The following NDE1 variants were observed in gnomAD, a reference collection of about 807,000 sequenced individuals.
NDE1 encodes nuclear distribution protein nudE homolog 1.
In NDE1, 28 loss-of-function variants were observed where a neutral mutation model predicts 43.4. The observed-to-expected ratio is 0.65, with a 90% confidence interval of 0.48 to 0.89. The LOEUF (loss-of-function observed/expected upper bound fraction) is 0.89, where lower values mean the gene tolerates loss of function less well. NDE1 is among the 40% of genes least tolerant of loss of function. The pLI is 0.00. For missense variants in NDE1, 441 were observed against 434.1 expected, an observed-to-expected ratio of 1.02 and a Z score of -0.14; for synonymous variants, 184 against 172.0, an observed-to-expected ratio of 1.07 and a Z score of -0.55.
chr16:15,664,922 GT>G, intron 2 of NDE1, 61 bp downstream of exon 2: 1 of 1,320,048 alleles, frequency 7.6e-7, no homozygotes, highest in Non-Finnish European at 1.1e-6. Context: ...GTCCTGCTAT[GT>G]TACCTAGGCT....
intron 8 of NDE1, among the ~76,000 whole-genome samples, chr16:15,712,543 C>T (rs996818866): frequency 4.6e-5 from 7 of 151,984 alleles, no homozygotes; most frequent in Non-Finnish European, 7.4e-5. Context: ...TTGCAGTGAG[C>T]TGAGATAGTG....
At position 15,724,358 on chromosome 16, in the gene NDE1, G is replaced by T. The variant is rs1469373877; in HGVS notation, c.*107G>T. On this transcript the variant is annotated 3_prime_UTR_variant, in exon 9 of 9. Coordinates refer to ENST00000396354, the MANE Select transcript of NDE1 (RefSeq NM_017668.3). ...TGGAACCTCTTCTTCCCCTCTTCCA[G>T]AGCTTCCACGGTGCTGGCAAAGTCC... The T allele has an allele frequency of 6.2e-7, 1 of 1,614,096 alleles. No homozygotes were observed. The highest frequency in any genetic ancestry group is 1.7e-5 in the Admixed American group (1 of 60,010).
At chr16:15,657,174 T>G (rs1361968482) in intron 1 of NDE1, among the ~76,000 whole-genome samples, 1 of 152,056 alleles carries the variant, frequency 6.6e-6, no homozygotes, top group African/African-American at 2.4e-5. Flanking sequence ...CTTGGCTCAC[T>G]GCAACCTCCG....
At chr16:15,663,691 G>A (rs1232389584) in intron 1 of NDE1, among the ~76,000 whole-genome samples, 1 of 152,146 alleles carries the variant, frequency 6.6e-6, no homozygotes, top group Non-Finnish European at 1.5e-5. Flanking sequence ...ACACCAATGT[G>A]TATACTCAAA....
intron 1 of NDE1, among the ~76,000 whole-genome samples, chr16:15,660,657 G>A (rs552621377): frequency 1.3e-5 from 2 of 151,988 alleles, no homozygotes; most frequent in Non-Finnish European, 2.9e-5. Flanking sequence ...TCAGTTCTTC[G>A]TCTTTCCTCC....
At chr16:15,716,463 G>A (rs953276800) in intron 8 of NDE1, among the ~76,000 whole-genome samples, 1 of 152,146 alleles carries the variant, frequency 6.6e-6, no homozygotes. Flanking sequence ...AATTAAGAAG[G>A]CTTCCAGTGT....
Position 15,690,352 on chromosome 16 carries a change from TC to T in NDE1, c.524-791del, listed in dbSNP as rs1216727527. ...TGCAACTGGCCTTTTTTTTTTTTTT[TC>T]TTTTTTTTTTTTTTTTTTTTTTTTT... On this transcript the variant is annotated intron_variant, in intron 5 of 8. Coordinates refer to ENST00000396354, the MANE Select transcript of NDE1 (RefSeq NM_017668.3). Among the ~76,000 whole-genome samples the T allele has an allele frequency of 1.9e-3, 208 of 106,784 alleles. 2 individuals carry two copies. Among genetic ancestry groups the T allele is most frequent in the Non-Finnish European group, 2.7e-3 (156 of 57,606 alleles). The allele number at this position is 106,784 out of a possible 152,430, so 70.1% of individuals were successfully genotyped here.
intron 1 of NDE1, among the ~76,000 whole-genome samples, chr16:15,659,567 G>A (rs2036943978): frequency 6.7e-6 from 1 of 149,068 alleles, no homozygotes; most frequent in African/African-American, 2.5e-5. Flanking sequence ...CTCCCGAGTA[G>A]TGGGGATTAC....
intron 4 of NDE1, among the ~76,000 whole-genome samples, chr16:15,679,118 G>A (rs1373385229): frequency 6.6e-6 from 1 of 152,006 alleles, no homozygotes; most frequent in Non-Finnish European, 1.5e-5. Context: ...AACAAAAAAA[G>A]CACAGATGTT....
intron 8 of NDE1, among the ~76,000 whole-genome samples, chr16:15,704,287 T>G (rs2039335946): frequency 6.6e-6 from 1 of 152,184 alleles, no homozygotes; most frequent in Non-Finnish European, 1.5e-5. Context: ...ATATTCAAGT[T>G]GAAGTCAACA....
chr16:15,716,762 C>T (rs2040172571), intron 8 of NDE1, among the ~76,000 whole-genome samples: 1 of 152,224 alleles, frequency 6.6e-6, no homozygotes, highest in Non-Finnish European at 1.5e-5. Context: ...GATCCACCTG[C>T]CTCAGCCTCC....
intron 8 of NDE1, chr16:15,720,744 A>G: frequency 7.6e-7 from 1 of 1,317,442 alleles, no homozygotes; most frequent in South Asian, 1.4e-5. Flanking sequence ...AAAAAAAATA[A>G]AGAAAACGAA....
At chr16:15,657,635 A>G (rs537996641) in intron 1 of NDE1, among the ~76,000 whole-genome samples, 2 of 151,928 alleles carry the variant, frequency 1.3e-5, no homozygotes, top group South Asian at 2.1e-4. Context: ...TCTGTCGCCC[A>G]GGCTGGGAGG....
intron 4 of NDE1, among the ~76,000 whole-genome samples, chr16:15,679,819 C>T (rs2038083030): frequency 6.6e-6 from 1 of 152,194 alleles, no homozygotes; most frequent in Non-Finnish European, 1.5e-5. Flanking sequence ...TGCTCTGTCG[C>T]CCAGGCTGGA....
At chr16:15,716,996 C>CA in intron 8 of NDE1, 1 of 951,086 alleles carries the variant, frequency 1.1e-6, no homozygotes. Flanking sequence ...GTTCAGTTCT[C>CA]ACAACATACC....
intron 1 of NDE1, among the ~76,000 whole-genome samples, chr16:15,660,764 G>A (rs1482863678): frequency 6.6e-6 from 1 of 152,022 alleles, no homozygotes; most frequent in Admixed American, 6.6e-5. Context: ...CTGCTTCTCT[G>A]TTGCATCCTT....
chr16:15,686,594 C>T (rs1466334877), intron 4 of NDE1: 8 of 967,710 alleles, frequency 8.3e-6, no homozygotes, highest in Non-Finnish European at 9.8e-6. Flanking sequence ...GGGAGGATCT[C>T]TTGAGCCCAA....
At chr16:15,718,886 G>A (rs919941015) in intron 8 of NDE1, 15 of 414,454 alleles carry the variant, frequency 3.6e-5, no homozygotes, top group African/African-American at 6.1e-5. Flanking sequence ...ACAGCACTTT[G>A]GGAGGCCAAG....
At chr16:15,690,349 T>TTTC (rs2038680431) in intron 5 of NDE1, among the ~76,000 whole-genome samples, 2 of 108,780 alleles carry the variant, frequency 1.8e-5, no homozygotes, top group African/African-American at 9.5e-5. Flanking sequence ...TTTTTTTTTT[T>TTTC]TTTCTTTTTT....
Sources: allele counts gnomAD v4.1 joint callset (sites outside exome capture counted in the v4.1 genomes callset), GRCh38; gene constraint gnomAD v4.1.1; transcripts MANE v1.5; gene names NCBI Gene and HGNC (gene_info 2026-07-23, HGNC 2026-07-21).